Variants in ESCO1 observed in about 807,000 individuals in gnomAD.
ESCO1 encodes N-acetyltransferase ESCO1.
ESCO1 carries 33 observed loss-of-function variants against 83.5 expected under a neutral mutation model. That is an observed-to-expected ratio of 0.40 (90% CI 0.30 to 0.53). The LOEUF (loss-of-function observed/expected upper bound fraction) is 0.53, where lower values mean the gene tolerates loss of function less well. ESCO1 is among the 20% of genes least tolerant of loss of function. The pLI is 0.63. For synonymous variants in ESCO1, 332 were observed against 324.3 expected (o/e 1.02, Z -0.25); for missense variants, 855 against 968.0 (o/e 0.88, Z 1.55).
At chr18:21,534,632 CTT>C (rs869215387) in intron 10 of ESCO1, among the ~76,000 whole-genome samples, 17 of 140,832 alleles carry the variant, frequency 1.2e-4, no homozygotes, top group Admixed American at 1.4e-4. Context: ...AGGTGTGGGC[CTT>C]TTTTTTTTTT....
At chr18:21,577,690 C>T (rs1055647229) in intron 2 of ESCO1, among the ~76,000 whole-genome samples, 4 of 151,510 alleles carry the variant, frequency 2.6e-5, no homozygotes, top group African/African-American at 9.7e-5. Context: ...CAGATATTCT[C>T]CCAGATTGCC....
In ESCO1 at chr18:21,575,395, T is replaced by G. The variant is rs200501034; in HGVS notation, c.-552A>C. The G allele has an allele frequency of 4.5e-5, 18 of 398,052 alleles. No individual in the cohort carries two copies. The East Asian group carries it at 6.4e-4, about 14-fold the overall frequency. The allele number at this position is 398,052 out of a possible 1,614,324, so 24.7% of individuals were successfully genotyped here. On this transcript the variant is annotated 5_prime_UTR_variant, in exon 4 of 12. Transcript: ENST00000269214. Reference sequence around the variant, plus strand: ...CTAACCTCCTTTGTTCAACAAAATATTCTATTAATATAGATTTCCTTTTGT... The same window carrying G: ...CTAACCTCCTTTGTTCAACAAAATAGTCTATTAATATAGATTTCCTTTTGT...
chr18:21,531,703 C>A (rs955815312), intron 11 of ESCO1, among the ~76,000 whole-genome samples: 1 of 151,874 alleles, frequency 6.6e-6, no homozygotes, highest in Non-Finnish European at 1.5e-5. Flanking sequence ...CCTGTAATCC[C>A]AGCACTTTGG....
chr18:21,585,669 G>T (rs1270705850), intron 1 of ESCO1, among the ~76,000 whole-genome samples: 1 of 151,862 alleles, frequency 6.6e-6, no homozygotes, highest in Non-Finnish European at 1.5e-5. Context: ...TGTTGCCCAG[G>T]CAAGTCTCAA....
intron 8 of ESCO1, among the ~76,000 whole-genome samples, chr18:21,543,063 A>AT (rs1251582424): frequency 1.3e-5 from 2 of 152,182 alleles, no homozygotes; most frequent in African/African-American, 4.8e-5. Context: ...TCCAAAACCC[A>AT]TTTTTTCTTA....
intron 5 of ESCO1, 93 bp from the exon 6 acceptor site, chr18:21,566,299 T>G: frequency 9.2e-7 from 1 of 1,089,708 alleles, no homozygotes; most frequent in Non-Finnish European, 1.3e-6. Context: ...GAAAAAAACC[T>G]TCAATGCATT....
At chr18:21,545,582 A>G (rs1323055486) in intron 8 of ESCO1, among the ~76,000 whole-genome samples, 1 of 151,878 alleles carries the variant, frequency 6.6e-6, no homozygotes, top group East Asian at 1.9e-4. Context: ...CAAAAAAAAA[A>G]AAAAAATTTA....
At chr18:21,531,497 T>G (rs191556847) in intron 11 of ESCO1, among the ~76,000 whole-genome samples, 17 of 150,910 alleles carry the variant, frequency 1.1e-4, no homozygotes, top group African/African-American at 4.1e-4. Flanking sequence ...ACTTGTACAC[T>G]GAAAACTATT....
rs1040164567 is a variant in ESCO1 at position 21,560,292 on chromosome 18, T to A, written c.1953+567A>T. Among the ~76,000 whole-genome samples, 17 of 150,888 alleles carry A rather than the reference T, an allele frequency of 1.1e-4. 1 individual carries two copies. The highest frequency in any genetic ancestry group is 8.7e-4 in the Admixed American group (13 of 14,914). ...TAAAATGCACTTCCATTAAAAAATA[T>A]ATTTTGTACTAAAACAGATTTACTC... On this transcript the variant is annotated intron_variant, in intron 8 of 11. Coordinates refer to ENST00000269214, the MANE Select transcript of ESCO1 (RefSeq NM_052911.3).
chr18:21,579,555 A>G (rs2038464368), intron 2 of ESCO1, among the ~76,000 whole-genome samples: 1 of 151,742 alleles, frequency 6.6e-6, no homozygotes, highest in Non-Finnish European at 1.5e-5. Flanking sequence ...GTGAATCACG[A>G]GGTCAGGAAT....
intron 7 of ESCO1, among the ~76,000 whole-genome samples, chr18:21,561,553 A>G (rs1380198808): frequency 6.6e-6 from 1 of 151,934 alleles, no homozygotes; most frequent in African/African-American, 2.4e-5. Flanking sequence ...CAGCCTCCCA[A>G]GTAGCTGGGA....
Position 21,565,499 on chromosome 18 carries a change from C to G in ESCO1, c.1706+647G>C, listed in dbSNP as rs142390477. ...TCTATAGCTATGAGATACAGACACA[C>G]AAGTAAGCAAAGATACATGTGTTTA... On this transcript the variant is annotated intron_variant, in intron 6 of 11. Transcript: ENST00000269214. Among the ~76,000 whole-genome samples, 38 of 152,264 alleles carry G rather than the reference C, an allele frequency of 2.5e-4. No individual in the cohort carries two copies. The East Asian group carries it at 6.0e-3, about 24-fold the overall frequency.
In ESCO1 at chr18:21,564,279, G is replaced by A; in HGVS notation, c.1745C>T (p.Ser582Phe). The change falls in exon 7 of 12, where the codon TCC (serine) becomes TTC (phenylalanine). Residue 582 changes from serine (S) to phenylalanine (F), a missense_variant. By Grantham distance (155) the Ser-to-Phe change is radical. Transcript: ENST00000269214. ...PRNHSLPKCNSHLEITIPKDL... is the reference protein window; with the variant it reads ...PRNHSLPKCNFHLEITIPKDL... ...CTTTGGAATTGTTATCTCCAAATGG[G>A]AATTACACTTAGGCAAAGAATGATT... 2.5e-6 allele frequency: 4 copies of A among 1,611,300 alleles called. No homozygotes were observed. The highest frequency in any genetic ancestry group is 2.2e-5 in the East Asian group (1 of 44,796).
chr18:21,563,699 A>G (rs1458231113), intron 7 of ESCO1, among the ~76,000 whole-genome samples: 2 of 152,206 alleles, frequency 1.3e-5, no homozygotes, highest in African/African-American at 4.8e-5. Flanking sequence ...CTCTTTGGCA[A>G]AAGTGAATGA....
intron 8 of ESCO1, chr18:21,540,713 A>C: frequency 7.9e-7 from 1 of 1,262,240 alleles, no homozygotes; most frequent in Non-Finnish European, 1.0e-6. Flanking sequence ...GCATAAAAAA[A>C]CAAAACAAAA....
At chr18:21,589,732 C>G (rs746425629) in intron 1 of ESCO1, among the ~76,000 whole-genome samples, 7 of 152,164 alleles carry the variant, frequency 4.6e-5, no homozygotes, top group Non-Finnish European at 1.0e-4. Flanking sequence ...GAAGATGGCA[C>G]AAAGCAAAGA....
chr18:21,546,696 A>G (rs1379354313), intron 8 of ESCO1, among the ~76,000 whole-genome samples: 1 of 152,092 alleles, frequency 6.6e-6, no homozygotes, highest in Non-Finnish European at 1.5e-5. Flanking sequence ...ACAGGCATGC[A>G]GCCCAACACC....
intron 9 of ESCO1, among the ~76,000 whole-genome samples, chr18:21,538,408 A>C (rs2037863588): frequency 6.6e-6 from 1 of 152,178 alleles, no homozygotes; most frequent in South Asian, 2.1e-4. Flanking sequence ...ACATTAATTC[A>C]ACAAGAATTT....
intron 4 of ESCO1, among the ~76,000 whole-genome samples, chr18:21,569,583 T>G (rs572734865): frequency 2.6e-5 from 4 of 152,202 alleles, no homozygotes; most frequent in African/African-American, 9.6e-5. Context: ...CCGTCTCTAC[T>G]AAAAAACAAA....
Sources: gnomAD v4.1 joint callset for allele counts (sites outside exome capture counted in the v4.1 genomes callset) on GRCh38, gnomAD v4.1.1 for gene constraint, MANE v1.5 for transcripts, NCBI Gene and HGNC (gene_info 2026-07-23, HGNC 2026-07-21) for gene names.